Variants in CAMK4 observed in about 807,000 individuals in gnomAD.
CAMK4 encodes calcium/calmodulin-dependent protein kinase type IV.
CAMK4 carries 22 observed loss-of-function variants against 44.9 expected under a neutral mutation model. That is an observed-to-expected ratio of 0.49 (90% CI 0.35 to 0.70). CAMK4 has a LOEUF of 0.70. CAMK4 is among the 30% of genes least tolerant of loss of function. The pLI, the probability that CAMK4 is intolerant of heterozygous loss-of-function variation, is 0.01. For missense variants in CAMK4, 498 were observed against 586.8 expected (o/e 0.85, Z 1.56); for synonymous variants, 218 against 215.4 (o/e 1.01, Z -0.11).
chr5:111,327,794 G>A (rs1471309034), intron 1 of CAMK4, among the ~76,000 whole-genome samples: 3 of 149,974 alleles, frequency 2.0e-5, no homozygotes, highest in African/African-American at 7.4e-5. Flanking sequence ...TCTTTTGGCT[G>A]CATAAATGTC....
intron 1 of CAMK4, among the ~76,000 whole-genome samples, chr5:111,246,560 G>A (rs549224596): frequency 1.3e-5 from 2 of 152,186 alleles, no homozygotes; most frequent in Admixed American, 6.5e-5. Context: ...CAGGTGTGTT[G>A]GTTTTGTTTT....
chr5:111,314,098 T>C (rs1748322863), intron 1 of CAMK4, among the ~76,000 whole-genome samples: 1 of 152,142 alleles, frequency 6.6e-6, no homozygotes, highest in South Asian at 2.1e-4. Context: ...GAAAAACTAA[T>C]ACATTATTAA....
chr5:111,358,969 G>A (rs930902986), intron 2 of CAMK4, among the ~76,000 whole-genome samples: 1 of 152,000 alleles, frequency 6.6e-6, no homozygotes, highest in African/African-American at 2.4e-5. Flanking sequence ...TCTTTATTCA[G>A]TTTACCATTG....
chr5:111,411,425 A>T (rs1752628667), intron 5 of CAMK4, among the ~76,000 whole-genome samples: 1 of 152,232 alleles, frequency 6.6e-6, no homozygotes, highest in Non-Finnish European at 1.5e-5. Context: ...TAGTTCTAAG[A>T]GTTGTCAATT....
At chr5:111,324,008 A>G (rs1748770805) in intron 1 of CAMK4, among the ~76,000 whole-genome samples, 1 of 152,054 alleles carries the variant, frequency 6.6e-6, no homozygotes, top group South Asian at 2.1e-4. Flanking sequence ...TAAGATGTTT[A>G]TATTTTACAG....
intron 7 of CAMK4, among the ~76,000 whole-genome samples, chr5:111,467,599 A>G (rs1453483739): frequency 1.3e-5 from 2 of 152,310 alleles, no homozygotes; most frequent in East Asian, 3.9e-4. Flanking sequence ...CATATGAAAA[A>G]AATGCCTAAC....
intron 1 of CAMK4, among the ~76,000 whole-genome samples, chr5:111,225,947 G>A (rs1245359266): frequency 6.6e-6 from 1 of 152,162 alleles, no homozygotes; most frequent in Admixed American, 6.5e-5. Flanking sequence ...ATATATAGGT[G>A]GAAATGAAAG....
At chr5:111,462,162 T>C (rs1343245192) in intron 7 of CAMK4, among the ~76,000 whole-genome samples, 1 of 152,166 alleles carries the variant, frequency 6.6e-6, no homozygotes. Flanking sequence ...GCAAGTCTAT[T>C]CTCTTTTCCT....
At position 111,436,436 on chromosome 5, in the gene CAMK4, T is replaced by G. The variant is rs552251387; in HGVS notation, c.460-10250T>G. Among the ~76,000 whole-genome samples the G allele has an allele frequency of 1.2e-4, 19 of 152,320 alleles. No homozygotes were observed. In the East Asian group the frequency reaches 3.5e-3, roughly 28 times the overall value. ...ACCCCTGGATTCCCTACCCAGAGGC[T>G]TTCATCATTATCTTTCTACCAGCAT... On this transcript the variant is annotated intron_variant, in intron 5 of 10. Transcript: ENST00000282356.
intron 1 of CAMK4, among the ~76,000 whole-genome samples, chr5:111,262,083 G>A (rs1750006305): frequency 6.6e-6 from 1 of 151,216 alleles, no homozygotes; most frequent in Non-Finnish European, 1.5e-5. Flanking sequence ...CCCTCACTCT[G>A]CTGACATACC....
intron 1 of CAMK4, among the ~76,000 whole-genome samples, chr5:111,335,558 A>G (rs1749365950): frequency 6.6e-6 from 1 of 151,418 alleles, no homozygotes; most frequent in Admixed American, 6.6e-5. Context: ...AAGAAAAGTT[A>G]TTCCATATGA....
chr5:111,472,385 G>A (rs537862171), intron 7 of CAMK4, among the ~76,000 whole-genome samples: 2 of 152,250 alleles, frequency 1.3e-5, no homozygotes, highest in South Asian at 2.1e-4. Flanking sequence ...GGCACCTGCC[G>A]CACTTGTGTT....
At chr5:111,226,667 T>C (rs1055820800) in intron 1 of CAMK4, among the ~76,000 whole-genome samples, 2 of 152,186 alleles carry the variant, frequency 1.3e-5, no homozygotes, top group Non-Finnish European at 2.9e-5. Context: ...TGGTGAGATA[T>C]GAAACACAAA....
At chr5:111,326,441 A>C (rs1308338053) in intron 1 of CAMK4, among the ~76,000 whole-genome samples, 1 of 151,926 alleles carries the variant, frequency 6.6e-6, no homozygotes, top group African/African-American at 2.4e-5. Flanking sequence ...AAGTAAATAC[A>C]TTTTCTATTA....
rs1755612639 is a variant in CAMK4, at chr5:111,486,226, G to C, written c.*1760G>C. 2 of 152,058 alleles carry C rather than the reference G, an allele frequency of 1.3e-5. No homozygotes were observed. Among genetic ancestry groups the C allele is most frequent in the Admixed American group, 1.3e-4 (2 of 15,248 alleles). The allele number at this position is 152,058 out of a possible 1,614,324, so 9.4% of individuals were successfully genotyped here. On this transcript the variant is annotated 3_prime_UTR_variant, in exon 11 of 11. Coordinates refer to ENST00000282356, the MANE Select transcript of CAMK4 (RefSeq NM_001744.6). ...CTTATCTTTCATAGTTTAAGAATCT[G>C]ACAGGTCACTGATATGGAGCCCCTG...
Position 111,309,021 on chromosome 5 carries a change from G to A in CAMK4, c.162-35003G>A, listed in dbSNP as rs542543159. Among the ~76,000 whole-genome samples the A allele has an allele frequency of 7.9e-5, 12 of 152,252 alleles. No homozygotes were observed. The East Asian group carries it at 1.2e-3, about 15-fold the overall frequency. ...TTCTAGTGTCCAGGAACTACAATCC[G>A]TGGTCGAGATGTGAGTGAATAAGAC... On this transcript the variant is annotated intron_variant, in intron 1 of 10. Coordinates refer to ENST00000282356, the MANE Select transcript of CAMK4 (RefSeq NM_001744.6).
chr5:111,407,989 G>C (rs1327204326), intron 5 of CAMK4, among the ~76,000 whole-genome samples: 1 of 151,926 alleles, frequency 6.6e-6, no homozygotes, highest in Non-Finnish European at 1.5e-5. Flanking sequence ...GCCGGGCATG[G>C]TCCCAGCTAC....
chr5:111,436,615 T>C (rs1015139854), intron 5 of CAMK4, among the ~76,000 whole-genome samples: 4 of 152,228 alleles, frequency 2.6e-5, no homozygotes, highest in African/African-American at 9.6e-5. Flanking sequence ...CTTGGCCATC[T>C]TCATTCTCAC....
chr5:111,484,100 C>A lies in CAMK4; in HGVS notation c.1056C>A (p.Ser352Arg), dbSNP rs577632827. Reference sequence around the variant, plus strand: ...GCAGCCATGGCAGCATCCAGGAGAGCCACAAGGCTAGCCGAGACCCTTCTC... The same window carrying A: ...GCAGCCATGGCAGCATCCAGGAGAGACACAAGGCTAGCCGAGACCCTTCTC... The part of the protein sequence containing the change: ...ASSSHGSIQE[S>R]HKASRDPSPI... Residue 352 changes from serine (S) to arginine (R), a missense_variant, in exon 11 of 11, where the codon AGC becomes AGA. This residue lies in a region of CAMK4 where 143 missense variants were observed against 144.9 expected (regional missense o/e 0.99). Coordinates refer to ENST00000282356, the MANE Select transcript of CAMK4 (RefSeq NM_001744.6). This position sits in a 1 kb window ranked among gnomAD's most constrained non-coding sequence, Gnocchi z 5.3. The A allele has an allele frequency of 5.8e-5, 93 of 1,613,678 alleles. 2 individuals carry two copies. In the South Asian group the frequency reaches 9.6e-4, roughly 17 times the overall value.
Sources: allele counts gnomAD v4.1 joint callset (sites outside exome capture counted in the v4.1 genomes callset), GRCh38; gene constraint gnomAD v4.1.1; regional missense constraint gnomAD v4.1.1; non-coding constraint Gnocchi (gnomAD v3.1); transcripts MANE v1.5; gene names NCBI Gene and HGNC (gene_info 2026-07-23, HGNC 2026-07-21).